Variants in FZD3 observed in about 807,000 individuals in gnomAD.
FZD3 encodes frizzled-3.
FZD3 carries 30 observed loss-of-function variants against 60.7 expected under a neutral mutation model. The observed-to-expected ratio is 0.49, with a 90% confidence interval of 0.37 to 0.67. The LOEUF (loss-of-function observed/expected upper bound fraction) is 0.67, where lower values mean the gene tolerates loss of function less well. FZD3 is among the 30% of genes least tolerant of loss of function. The probability of loss-of-function intolerance (pLI) is 0.00; values close to 1 mark genes in which losing one functional copy is unlikely to be tolerated. For synonymous variants in FZD3, 246 were observed against 275.2 expected (o/e 0.89, Z 1.05); for missense variants, 605 against 838.7 (o/e 0.72, Z 3.44).
intron 5 of FZD3, among the ~76,000 whole-genome samples, chr8:28,544,756 T>C (rs1036706595): frequency 6.6e-6 from 1 of 152,204 alleles, no homozygotes; most frequent in African/African-American, 2.4e-5. Flanking sequence ...TTCCATACTT[T>C]TTGATCCCTA....
At chr8:28,533,822 C>G (rs1804941180) in intron 5 of FZD3, among the ~76,000 whole-genome samples, 1 of 152,006 alleles carries the variant, frequency 6.6e-6, no homozygotes, top group African/African-American at 2.4e-5. Flanking sequence ...AATTCAGAGA[C>G]TGTTCTGGAA....
At chr8:28,514,428 T>C (rs866659834) in intron 3 of FZD3, among the ~76,000 whole-genome samples, 4 of 152,198 alleles carry the variant, frequency 2.6e-5, no homozygotes, top group Non-Finnish European at 5.9e-5. Context: ...TGCCCTCATA[T>C]AAAGCATTCA....
At position 28,551,664 on chromosome 8, in the gene FZD3, T is replaced by C. The variant is rs762956166; in HGVS notation, c.1466T>C (p.Ile489Thr). The C allele has an allele frequency of 1.9e-6, 3 of 1,611,098 alleles. No individual in the cohort carries two copies. Among genetic ancestry groups the C allele is most frequent in the Non-Finnish European group, 1.7e-6 (2 of 1,177,370 alleles). Reference sequence around the variant, plus strand: ...CTGATGAAATACCTGATGGCTCTCATAGTTGGCATTCCCTCTGTATTTTGG... The same window carrying C: ...CTGATGAAATACCTGATGGCTCTCACAGTTGGCATTCCCTCTGTATTTTGG... ...LFLMKYLMAL[I>T]VGIPSVFWVG... The change falls in exon 6 of 8, where the codon ATA becomes ACA. Residue 489 changes from isoleucine to threonine, a missense_variant. Physicochemically the swap from Ile to Thr is moderately conservative, Grantham distance 89. Coordinates refer to ENST00000240093, the MANE Select transcript of FZD3 (RefSeq NM_017412.4).
intron 5 of FZD3, among the ~76,000 whole-genome samples, chr8:28,529,431 T>A (rs1757025008): frequency 6.6e-6 from 1 of 152,196 alleles, no homozygotes; most frequent in African/African-American, 2.4e-5. Flanking sequence ...CCTATTACTA[T>A]ACTCTGAACT....
At position 28,569,466 on chromosome 8, in the gene FZD3, C is replaced by A. The variant is rs1805766052; in HGVS notation, c.*6455C>A. On this transcript the variant is annotated 3_prime_UTR_variant, in exon 8 of 8. Transcript: ENST00000240093. ...ACAAGAGAATTAGTTTAGGTAGCGT[C>A]TAAAATTCCGCCCAGCTCTCATTTG... 1 of 151,614 alleles carries A rather than the reference C, an allele frequency of 6.6e-6. No individual in the cohort carries two copies. The highest frequency in any genetic ancestry group is 1.5e-5 in the Non-Finnish European group (1 of 67,896). The allele number at this position is 151,614 out of a possible 1,614,324, so 9.4% of individuals were successfully genotyped here.
Position 28,571,418 on chromosome 8 carries a change from ATACTC to A in FZD3, c.*8410_*8414del, listed in dbSNP as rs1805805134. 1 of 152,196 alleles carries A rather than the reference ATACTC, an allele frequency of 6.6e-6. No homozygotes were observed. The highest frequency in any genetic ancestry group is 6.6e-5 in the Admixed American group (1 of 15,266). 9.4% of individuals were successfully genotyped at this position (152,196 alleles called of 1,614,324 possible). A position where few individuals can be genotyped will look rare whatever the true frequency, so the allele number is the denominator to read the frequency against. ...AGCTGAGGTGAATGTATACTTAAAA[ATACTC>A]TATTTTCTTTTTATATGAACTTAAA... On this transcript the variant is annotated 3_prime_UTR_variant, in exon 8 of 8. Coordinates refer to ENST00000240093, the MANE Select transcript of FZD3 (RefSeq NM_017412.4).
chr8:28,525,315 C>T (rs1459291989), intron 4 of FZD3, among the ~76,000 whole-genome samples: 1 of 151,998 alleles, frequency 6.6e-6, no homozygotes, highest in Non-Finnish European at 1.5e-5. Flanking sequence ...AAAATGAATG[C>T]TAATAAGAAC....
intron 3 of FZD3, among the ~76,000 whole-genome samples, chr8:28,514,506 C>G (rs1804372920): frequency 6.6e-6 from 1 of 152,184 alleles, no homozygotes; most frequent in South Asian, 2.1e-4. Context: ...TTTCCATCAC[C>G]TGAAAAGCTT....
chr8:28,512,719 C>CA (rs1277310064), intron 3 of FZD3, among the ~76,000 whole-genome samples: 1 of 151,780 alleles, frequency 6.6e-6, no homozygotes, highest in Non-Finnish European at 1.5e-5. Context: ...GTAAATACCG[C>CA]AAAAAAGCAA....
intron 5 of FZD3, among the ~76,000 whole-genome samples, chr8:28,532,282 C>T (rs570631811): frequency 6.6e-6 from 1 of 152,282 alleles, no homozygotes; most frequent in African/African-American, 2.4e-5. Context: ...ATGAAAAACA[C>T]TGTCAGGATT....
Position 28,551,763 on chromosome 8 carries a change from TA to T in FZD3, c.1553+15del. 3.1e-6 allele frequency: 5 copies of T among 1,595,568 alleles called. No homozygotes were observed. The highest frequency in any genetic ancestry group is 4.3e-6 in the Non-Finnish European group (5 of 1,173,576). ...CGTAGGAAAAAAGAGTAAGTTGAAATAAATGATCACAGTGTTCACAAACCTC... is the reference window on the plus strand; with the variant it reads ...CGTAGGAAAAAAGAGTAAGTTGAAATAATGATCACAGTGTTCACAAACCTC... On this transcript the variant is annotated intron_variant, in intron 6 of 7. Coordinates refer to ENST00000240093, the MANE Select transcript of FZD3 (RefSeq NM_017412.4).
At chr8:28,526,271 A>G (rs150971870) in intron 4 of FZD3, among the ~76,000 whole-genome samples, 1 of 152,288 alleles carries the variant, frequency 6.6e-6, no homozygotes, top group African/African-American at 2.4e-5. Context: ...AGTCATGCAT[A>G]CTTTATATTC....
At position 28,572,018 on chromosome 8, in the gene FZD3, A is replaced by G. The variant is rs1292435168; in HGVS notation, c.*9007A>G. 1 of 152,154 alleles carries G rather than the reference A, an allele frequency of 6.6e-6. No individual in the cohort carries two copies. Among genetic ancestry groups the G allele is most frequent in the African/African-American group, 2.4e-5 (1 of 41,442 alleles). 9.4% of individuals were successfully genotyped at this position (152,154 alleles called of 1,614,324 possible). On this transcript the variant is annotated 3_prime_UTR_variant, in exon 8 of 8. Coordinates refer to ENST00000240093, the MANE Select transcript of FZD3 (RefSeq NM_017412.4). ...CTCTCTGTAATTTGTGATACCCAAG[A>G]TTCATATTTATTTAATGTGAGGTGT...
At chr8:28,500,766 CTT>C (rs917268943) in intron 2 of FZD3, among the ~76,000 whole-genome samples, 2 of 149,212 alleles carry the variant, frequency 1.3e-5, no homozygotes, top group African/African-American at 4.9e-5. Context: ...TACCAGTTTT[CTT>C]TTTTTTTTCT....
intron 1 of FZD3, among the ~76,000 whole-genome samples, chr8:28,496,885 C>CTT (rs1484839035): frequency 2.6e-5 from 4 of 152,130 alleles, no homozygotes; most frequent in Non-Finnish European, 5.9e-5. Flanking sequence ...GCATGCAAAC[C>CTT]TTACAAACTT....
At position 28,572,359 on chromosome 8, in the gene FZD3, A is replaced by G. The variant is rs1805823141; in HGVS notation, c.*9348A>G. 2 of 152,196 alleles carry G rather than the reference A, an allele frequency of 1.3e-5. No homozygotes were observed. The highest frequency in any genetic ancestry group is 1.5e-5 in the Non-Finnish European group (1 of 68,022). 9.4% of individuals were successfully genotyped at this position (152,196 alleles called of 1,614,324 possible). A position where few individuals can be genotyped will look rare whatever the true frequency, so the allele number is the denominator to read the frequency against. On this transcript the variant is annotated 3_prime_UTR_variant, in exon 8 of 8. Transcript: ENST00000240093. ...AACTTCTCATCCTAACCCTATCAAT[A>G]TATCAGAGGCTTTATGAAGGAGACT...
At position 28,545,533 on chromosome 8, in the gene FZD3, G is replaced by A. The variant is rs1382124890; in HGVS notation, c.1405-6070G>A. Reference sequence around the variant, plus strand: ...GGAGAGATCTTCTCAGTCAGCTCCCGTCTTTTCCAGCCATCCTAGCTGATA... The same window carrying A: ...GGAGAGATCTTCTCAGTCAGCTCCCATCTTTTCCAGCCATCCTAGCTGATA... On this transcript the variant is annotated intron_variant, in intron 5 of 7. Transcript: ENST00000240093. Among the ~76,000 whole-genome samples, 7 of 152,104 alleles carry A rather than the reference G, an allele frequency of 4.6e-5. 1 individual carries two copies. In the East Asian group the frequency reaches 7.7e-4, roughly 17 times the overall value.
At position 28,565,964 on chromosome 8, in the gene FZD3, TG is replaced by T. The variant is rs1330721865; in HGVS notation, c.*2954del. 9.1e-6 allele frequency: 1 copy of T among 109,950 alleles called. No individual in the cohort carries two copies. Among genetic ancestry groups the T allele is most frequent in the Non-Finnish European group, 1.9e-5 (1 of 51,914 alleles). 6.8% of individuals were successfully genotyped at this position (109,950 alleles called of 1,614,324 possible). A position where few individuals can be genotyped will look rare whatever the true frequency, so the allele number is the denominator to read the frequency against. ...ATCAAAAGGTTTTCAAAAAGTACTT[TG>T]ATTTCAGCAACTTTTTTTATTCAAT... On this transcript the variant is annotated 3_prime_UTR_variant, in exon 8 of 8. Coordinates refer to ENST00000240093, the MANE Select transcript of FZD3 (RefSeq NM_017412.4).
rs1805740672 is a variant in FZD3 at position 28,568,296 on chromosome 8, A to C, written c.*5285A>C. On this transcript the variant is annotated 3_prime_UTR_variant, in exon 8 of 8. Transcript: ENST00000240093. ...TAATCTTACACATTATTCTTATATA[A>C]TTTTGACCTATTTTATATGAAAATA... The C allele has an allele frequency of 6.6e-6, 1 of 152,130 alleles. No individual in the cohort carries two copies. Among genetic ancestry groups the C allele is most frequent in the Non-Finnish European group, 1.5e-5 (1 of 68,008 alleles). 9.4% of individuals were successfully genotyped at this position (152,130 alleles called of 1,614,324 possible).
Sources: gnomAD v4.1 joint callset for allele counts (sites outside exome capture counted in the v4.1 genomes callset) on GRCh38, gnomAD v4.1.1 for gene constraint, MANE v1.5 for transcripts, NCBI Gene and HGNC (gene_info 2026-07-23, HGNC 2026-07-21) for gene names.